Variants in DAB1 observed in about 807,000 individuals in gnomAD.
DAB1 encodes the protein disabled homolog 1.
In DAB1, 15 loss-of-function variants were observed where a neutral mutation model predicts 64.6. The ratio of observed to expected loss-of-function variants is 0.23; its 90% CI spans 0.16 to 0.36. DAB1 has a LOEUF of 0.36. Among genes scored for constraint, DAB1 ranks in the 10% least tolerant of loss-of-function variants. The pLI, the probability that DAB1 is intolerant of heterozygous loss-of-function variation, is 1.00. For missense variants in DAB1, 596 were observed against 706.7 expected, an observed-to-expected ratio of 0.84 and a Z score of 1.78; for synonymous variants, 235 against 251.9, an observed-to-expected ratio of 0.93 and a Z score of 0.64.
intron 7 of DAB1, among the ~76,000 whole-genome samples, chr1:57,623,355 C>T (rs1645884840): frequency 6.6e-6 from 1 of 152,194 alleles, no homozygotes; most frequent in African/African-American, 2.4e-5. Context: ...CTTAGACAAG[C>T]ACAGGTTAAA....
intron 3 of DAB1, among the ~76,000 whole-genome samples, chr1:58,353,475 T>C (rs1644078667): frequency 2.0e-5 from 3 of 152,204 alleles, no homozygotes; most frequent in Admixed American, 2.0e-4. Flanking sequence ...GTCTACAATA[T>C]TCTGCTTTAG....
chr1:58,048,309 T>C, intron 5 of DAB1: 1 of 1,193,018 alleles, frequency 8.4e-7, no homozygotes, highest in African/African-American at 1.5e-5. Flanking sequence ...TCTCCCCCCT[T>C]CATGGGTCCA....
At chr1:58,156,993 G>A (rs1219634784) in intron 4 of DAB1, among the ~76,000 whole-genome samples, 2 of 152,128 alleles carry the variant, frequency 1.3e-5, no homozygotes, top group Non-Finnish European at 2.9e-5. Context: ...CCTACCGAAC[G>A]GGATCTGAGT....
chr1:57,494,020 A>C (rs1570571135), intron 7 of DAB1, among the ~76,000 whole-genome samples: 1 of 152,160 alleles, frequency 6.6e-6, no homozygotes, highest in Non-Finnish European at 1.5e-5. Flanking sequence ...TTATTCTTCC[A>C]AAGTGCGTGT....
intron 5 of DAB1, among the ~76,000 whole-genome samples, chr1:57,906,169 G>A (rs1644548094): frequency 6.6e-6 from 1 of 152,120 alleles, no homozygotes; most frequent in Non-Finnish European, 1.5e-5. Flanking sequence ...ATGTGACTTG[G>A]ATAGCTGGAA....
intron 2 of DAB1, among the ~76,000 whole-genome samples, chr1:57,257,429 A>G (rs197640): frequency 0.66 from 100,039 of 152,068 alleles, 33,097 homozygotes; most frequent in East Asian, 0.85. Flanking sequence ...TGGTGGATAA[A>G]GTGCATGCAT....
At chr1:57,127,604 C>T (rs1195253347) in intron 4 of DAB1, among the ~76,000 whole-genome samples, 1 of 152,100 alleles carries the variant, frequency 6.6e-6, no homozygotes, top group African/African-American at 2.4e-5. Flanking sequence ...CCAATGTATC[C>T]AAATCCCTGA....
chr1:57,585,900 CT>C (rs1189056383), intron 7 of DAB1, among the ~76,000 whole-genome samples: 1 of 152,202 alleles, frequency 6.6e-6, no homozygotes. Context: ...ATTCACTTGA[CT>C]TCCATTCTTT....
intron 1 of DAB1, among the ~76,000 whole-genome samples, chr1:57,337,835 CTCCCTTTCCTTT>C (rs1677204646): frequency 6.6e-6 from 1 of 151,994 alleles, no homozygotes; most frequent in Non-Finnish European, 1.5e-5. Context: ...ACCAAGGTCT[CTCCCTTTCCTTT>C]TCCCTTTCCC....
chr1:58,071,429 C>T lies in DAB1; in HGVS notation n.387+79082G>A, dbSNP rs144289683. 199 of 152,390 alleles carry T rather than the reference C, an allele frequency of 1.3e-3. 1 individual carries two copies. Among genetic ancestry groups the T allele is most frequent in the Admixed American group, 4.0e-3 (60 of 14,962 alleles). The allele number at this position is 152,390 out of a possible 1,614,324, so 9.4% of individuals were successfully genotyped here. A position where few individuals can be genotyped will look rare whatever the true frequency, so the allele number is the denominator to read the frequency against. On this transcript the variant is annotated intron_variant and non_coding_transcript_variant, in intron 5 of 20. Coordinates refer to the DAB1 transcript ENST00000485760. ...GTGGGTGGGGAGAGACTGAAGTTCC[C>T]GCTGCTGGGCTGCTAAGAGAAGGGT...
chr1:57,083,218 C>T (rs949397332), intron 4 of DAB1, among the ~76,000 whole-genome samples: 2 of 152,140 alleles, frequency 1.3e-5, no homozygotes, highest in African/African-American at 4.8e-5. Context: ...AAGTAACTTG[C>T]CCCGGGTCAC....
intron 5 of DAB1, among the ~76,000 whole-genome samples, chr1:58,060,904 G>T (rs1648460169): frequency 6.6e-6 from 1 of 152,228 alleles, no homozygotes; most frequent in African/African-American, 2.4e-5. Context: ...ACATCTAACT[G>T]TGGGAGGACA....
rs143102944 is a variant in DAB1, at chr1:58,139,942, T to C, written n.387+10569A>G. 1.4e-3 allele frequency among the ~76,000 whole-genome samples: 209 copies of C among 152,274 alleles called. 1 individual carries two copies. Among genetic ancestry groups the C allele is most frequent in the Non-Finnish European group, 2.4e-3 (165 of 68,020 alleles). On this transcript the variant is annotated intron_variant and non_coding_transcript_variant, in intron 5 of 20. Coordinates refer to the DAB1 transcript ENST00000485760. ...TTATTAAATAAGATACTCTAATCCT[T>C]GTATAAGGGCTCTTTTTAACATCTT...
At chr1:58,093,551 G>A (rs1242261402) in intron 5 of DAB1, among the ~76,000 whole-genome samples, 1 of 152,016 alleles carries the variant, frequency 6.6e-6, no homozygotes, top group African/African-American at 2.4e-5. Flanking sequence ...AATGTCTGAT[G>A]GTTTGAGGTG....
intron 7 of DAB1, among the ~76,000 whole-genome samples, chr1:57,531,447 C>T (rs1219043444): frequency 6.6e-6 from 1 of 152,116 alleles, no homozygotes; most frequent in Non-Finnish European, 1.5e-5. Flanking sequence ...TCACACAAAG[C>T]CTGTTTGGTG....
rs1201980507 is a variant in DAB1, at chr1:57,943,050, T to C, written n.388-58888A>G. Among the ~76,000 whole-genome samples, 5 of 152,288 alleles carry C rather than the reference T, an allele frequency of 3.3e-5. No homozygotes were observed. The South Asian group carries it at 8.3e-4, about 25-fold the overall frequency. ...CCAAAAATTACTACCATCCTTATTA[T>C]ACAGAAAAGGAGACAATAATTCAGA... On this transcript the variant is annotated intron_variant and non_coding_transcript_variant, in intron 5 of 20. Transcript: ENST00000485760.
intron 2 of DAB1, among the ~76,000 whole-genome samples, chr1:57,188,406 G>T (rs1010574832): frequency 6.6e-6 from 1 of 152,152 alleles, no homozygotes; most frequent in African/African-American, 2.4e-5. Context: ...AAAATTAAAT[G>T]GCTCAATGGG....
chr1:57,001,372 C>A (rs934752266), intron 14 of DAB1, among the ~76,000 whole-genome samples: 1 of 152,164 alleles, frequency 6.6e-6, no homozygotes, highest in African/African-American at 2.4e-5. Flanking sequence ...TCCCCATCAC[C>A]CACAGGGTAG....
At chr1:57,642,831 C>G (rs1359512421) in intron 7 of DAB1, among the ~76,000 whole-genome samples, 1 of 152,094 alleles carries the variant, frequency 6.6e-6, no homozygotes, top group Admixed American at 6.5e-5. Context: ...TCATTTTGTC[C>G]CAGATGCTGT....
Sources: allele counts gnomAD v4.1 joint callset (sites outside exome capture counted in the v4.1 genomes callset), GRCh38; gene constraint gnomAD v4.1.1; transcripts MANE v1.5; gene names NCBI Gene and HGNC (gene_info 2026-07-23, HGNC 2026-07-21).